Variants in PARP16 observed in about 807,000 individuals in gnomAD.
PARP16 encodes poly(ADP-ribose) polymerase family member 16.
Under a neutral mutation model 35.0 loss-of-function variants are expected in PARP16, and 31 were observed. The observed-to-expected ratio is 0.88, with a 90% CI of 0.66 to 1.19. The LOEUF (loss-of-function observed/expected upper bound fraction) is 1.19, where lower values mean the gene tolerates loss of function less well. Among genes scored for constraint, PARP16 ranks in the 50% most tolerant of loss-of-function variants. The probability of loss-of-function intolerance (pLI) is 0.00; values close to 1 mark genes in which losing one functional copy is unlikely to be tolerated. For synonymous variants in PARP16, 162 were observed against 169.5 expected (o/e 0.96, Z 0.34); for missense variants, 424 against 411.2 (o/e 1.03, Z -0.27).
chr15:65,235,764 G>T (rs1056541125), intron 3 of PARP16, among the ~76,000 whole-genome samples: 1 of 149,682 alleles, frequency 6.7e-6, no homozygotes, highest in Non-Finnish European at 1.5e-5. Context: ...CTGTTTAATC[G>T]CTCAACTTAC....
chr15:65,246,142 C>G (rs1417361859), intron 3 of PARP16, among the ~76,000 whole-genome samples: 1 of 152,178 alleles, frequency 6.6e-6, no homozygotes, highest in Non-Finnish European at 1.5e-5. Flanking sequence ...CCTGAGCTCA[C>G]TTCCAGAGAA....
chr15:65,244,075 C>T (rs892530927), intron 3 of PARP16, among the ~76,000 whole-genome samples: 5 of 152,146 alleles, frequency 3.3e-5, no homozygotes, highest in African/African-American at 9.7e-5. Context: ...CTTGGCATTG[C>T]CTTTCTCCAT....
chr15:65,234,320 C>T (rs1364994010), downstream of PARP16: 1 of 152,144 alleles, frequency 6.6e-6, no homozygotes, highest in African/African-American at 2.4e-5. Context: ...GTTTCCTGTC[C>T]TGAGCTGAGA....
intron 2 of PARP16, among the ~76,000 whole-genome samples, chr15:65,251,156 T>A (rs1390773671): frequency 2.0e-5 from 3 of 152,164 alleles, no homozygotes; most frequent in Non-Finnish European, 4.4e-5. Flanking sequence ...AGTGCTGGGA[T>A]TACAGGCATG....
At chr15:65,231,640 G>A (rs919080768), downstream of PARP16, among the ~76,000 whole-genome samples, 1 of 152,116 alleles carries the variant, frequency 6.6e-6, no homozygotes. Flanking sequence ...TAGAGACGGA[G>A]TTTCACCACG....
intron 3 of PARP16, among the ~76,000 whole-genome samples, chr15:65,242,350 A>G (rs2089102877): frequency 6.6e-6 from 1 of 152,188 alleles, no homozygotes; most frequent in Admixed American, 6.5e-5. Flanking sequence ...TGGCTATTCA[A>G]GGTCCTTTGC....
chr15:65,276,035 T>G (rs1045188235), intron 1 of PARP16, among the ~76,000 whole-genome samples: 1 of 152,164 alleles, frequency 6.6e-6, no homozygotes, highest in Non-Finnish European at 1.5e-5. Flanking sequence ...AGATGCCTCC[T>G]AGCTCCAAGC....
chr15:65,261,443 T>C (rs2089713206), intron 4 of PARP16, among the ~76,000 whole-genome samples: 1 of 149,050 alleles, frequency 6.7e-6, no homozygotes, highest in African/African-American at 2.4e-5. Context: ...TTTATATATA[T>C]ACATGTTTTG....
intron 1 of PARP16, among the ~76,000 whole-genome samples, chr15:65,284,337 C>CTTTTT (rs34254507): frequency 2.5e-4 from 17 of 67,064 alleles, no homozygotes; most frequent in South Asian, 7.8e-4. Context: ...TTTCTTTCCT[C>CTTTTT]TTTTTTTTTT....
intron 2 of PARP16, among the ~76,000 whole-genome samples, chr15:65,250,712 C>T (rs1034970453): frequency 6.6e-6 from 1 of 152,146 alleles, no homozygotes; most frequent in Non-Finnish European, 1.5e-5. Flanking sequence ...CAGCCACAGC[C>T]CTGGTCAGAC....
In PARP16 at chr15:65,260,182, G is replaced by A. The variant is rs972749102; in HGVS notation, c.834-640C>T. Among the ~76,000 whole-genome samples the A allele has an allele frequency of 3.3e-5, 5 of 152,192 alleles. No homozygotes were observed. In the South Asian group the frequency reaches 8.3e-4, roughly 25 times the overall value. Reference sequence around the variant, plus strand: ...GTCTGGAAGCATGGAAACCACTGGTGTGTACAAGCAGGAGTGGGGATTATT... The same window carrying A: ...GTCTGGAAGCATGGAAACCACTGGTATGTACAAGCAGGAGTGGGGATTATT... On this transcript the variant is annotated intron_variant, in intron 5 of 5. Transcript: ENST00000649807.
At chr15:65,232,769 A>T (rs1378300430), downstream of PARP16, among the ~76,000 whole-genome samples, 4 of 152,044 alleles carry the variant, frequency 2.6e-5, no homozygotes, top group Non-Finnish European at 4.4e-5. Flanking sequence ...AATAAATAAA[A>T]AATGGGCTGG....
intron 1 of PARP16, among the ~76,000 whole-genome samples, chr15:65,276,177 T>G (rs2090248260): frequency 1.3e-5 from 2 of 152,156 alleles, no homozygotes; most frequent in Admixed American, 6.5e-5. Flanking sequence ...TATGTCCCAT[T>G]TCACTTTGCG....
At chr15:65,262,068 A>G (rs2089740724) in intron 4 of PARP16, among the ~76,000 whole-genome samples, 1 of 151,800 alleles carries the variant, frequency 6.6e-6, no homozygotes, top group African/African-American at 2.4e-5. Flanking sequence ...GTTGTTTTAC[A>G]TTAGAGGCCA....
intron 1 of PARP16, among the ~76,000 whole-genome samples, chr15:65,272,535 T>C (rs2140923445): frequency 6.6e-6 from 1 of 152,160 alleles, no homozygotes; most frequent in East Asian, 1.9e-4. Flanking sequence ...CTGGTTCTAT[T>C]CAGGAGCATG....
chr15:65,247,206 G>A (rs549683771), intron 3 of PARP16, among the ~76,000 whole-genome samples: 2 of 152,266 alleles, frequency 1.3e-5, no homozygotes, highest in South Asian at 2.1e-4. Context: ...TGTTGCCCAG[G>A]CTGGTCTCGA....
At chr15:65,279,617 T>C (rs890331273) in intron 1 of PARP16, among the ~76,000 whole-genome samples, 1 of 152,138 alleles carries the variant, frequency 6.6e-6, no homozygotes, top group Non-Finnish European at 1.5e-5. Context: ...AGCAGAGAAA[T>C]AAAAAGGTAA....
chr15:65,242,046 G>A (rs2089092814), intron 3 of PARP16, among the ~76,000 whole-genome samples: 6 of 152,134 alleles, frequency 3.9e-5, no homozygotes, highest in Admixed American at 2.6e-4. Context: ...TAATTTTTGT[G>A]TATGGTGTGA....
At chr15:65,237,590 T>G (rs538604543) in intron 3 of PARP16, among the ~76,000 whole-genome samples, 3 of 149,426 alleles carry the variant, frequency 2.0e-5, no homozygotes, top group African/African-American at 7.4e-5. Context: ...GAGAGGGAGA[T>G]TGGAGTGATG....
Sources: allele counts gnomAD v4.1 joint callset (sites outside exome capture counted in the v4.1 genomes callset), GRCh38; gene constraint gnomAD v4.1.1; transcripts MANE v1.5; gene names NCBI Gene and HGNC (gene_info 2026-07-23, HGNC 2026-07-21).